Variants in SERINC5 observed in about 807,000 individuals in gnomAD.
SERINC5 encodes the protein chromosome 5 open reading frame 12.
SERINC5 carries 41 observed loss-of-function variants against 63.1 expected under a neutral mutation model. That is an observed-to-expected ratio of 0.65 (90% CI 0.51 to 0.84). SERINC5 has a LOEUF of 0.84. SERINC5 is among the 40% of genes least tolerant of loss of function. The pLI, the probability that SERINC5 is intolerant of heterozygous loss-of-function variation, is 0.00. For synonymous variants in SERINC5, 222 were observed against 215.2 expected, an observed-to-expected ratio of 1.03 and a Z score of -0.28; for missense variants, 523 against 573.0, an observed-to-expected ratio of 0.91 and a Z score of 0.89.
intron 7 of SERINC5, among the ~76,000 whole-genome samples, chr5:80,163,550 T>C (rs1380675530): frequency 6.6e-6 from 1 of 152,090 alleles, no homozygotes; most frequent in East Asian, 1.9e-4. Flanking sequence ...TTGAGGGTTT[T>C]TTTTTTTACC....
rs1387631130 is a variant in SERINC5 at position 80,141,551 on chromosome 5, G to C, written c.*2112C>G. ...TAGACCTCAGCAGGAGGAAAACAATGAAACTAGTCACAATACTGCCCAGGC... is the reference window on the plus strand; with the variant it reads ...TAGACCTCAGCAGGAGGAAAACAATCAAACTAGTCACAATACTGCCCAGGC... On this transcript the variant is annotated 3_prime_UTR_variant, in exon 12 of 12. Transcript: ENST00000507668. The C allele has an allele frequency of 1.7e-5, 17 of 985,362 alleles. No homozygotes were observed. Among genetic ancestry groups the C allele is most frequent in the Non-Finnish European group, 3.6e-6 (3 of 830,012 alleles). The allele number at this position is 985,362 out of a possible 1,614,324, so 61.0% of individuals were successfully genotyped here.
chr5:80,144,540 C>G (rs1038355391), intron 11 of SERINC5, among the ~76,000 whole-genome samples: 1 of 152,186 alleles, frequency 6.6e-6, no homozygotes, highest in Non-Finnish European at 1.5e-5. Flanking sequence ...ATAGCCTTCT[C>G]CATCTTTTCT....
Position 80,177,889 on chromosome 5 carries a change from T to C in SERINC5, c.371A>G (p.Asn124Ser), listed in dbSNP as rs557032080. Residue 124 changes from asparagine (N) to serine (S), a missense_variant, in exon 3 of 12, where the codon AAT becomes AGT. Asn to Ser is a conservative substitution (Grantham distance 46). Transcript: ENST00000507668. ...NSKSCRAHIH[N>S]GFWFFKLLLL... ...CCAAGAAGACTAAAATACTTACCCATTGTGAATATGAGCTCTACAACTTTT... is the reference window on the plus strand; with the variant it reads ...CCAAGAAGACTAAAATACTTACCCACTGTGAATATGAGCTCTACAACTTTT... 17 of 1,605,796 alleles carry C rather than the reference T, an allele frequency of 1.1e-5. No individual in the cohort carries two copies. In the African/African-American group the frequency reaches 2.3e-4, roughly 22 times the overall value.
rs539340757 is a variant in SERINC5, at chr5:80,202,237, T to A, written c.195+649A>T. ...TGGGTAACAAGAGCAAAACTCTGTCTCGAAAAAAAAGAAGAAAGAAATCCT... is the reference window on the plus strand; with the variant it reads ...TGGGTAACAAGAGCAAAACTCTGTCACGAAAAAAAAGAAGAAAGAAATCCT... On this transcript the variant is annotated intron_variant, in intron 2 of 11. Transcript: ENST00000507668. 1.1e-4 allele frequency among the ~76,000 whole-genome samples: 16 copies of A among 151,258 alleles called. No individual in the cohort carries two copies. In the South Asian group the frequency reaches 3.3e-3, roughly 32 times the overall value.
At chr5:80,233,443 ATT>A (rs1416882958) in intron 1 of SERINC5, among the ~76,000 whole-genome samples, 1 of 152,116 alleles carries the variant, frequency 6.6e-6, no homozygotes, top group African/African-American at 2.4e-5. Flanking sequence ...AACAATAATA[ATT>A]TCTTTAGTTA....
chr5:80,206,616 G>A (rs1334720511), intron 1 of SERINC5, among the ~76,000 whole-genome samples: 1 of 152,038 alleles, frequency 6.6e-6, no homozygotes, highest in Non-Finnish European at 1.5e-5. Context: ...TGCATGTGTG[G>A]GTGTTTTATG....
At chr5:80,120,939 G>A (rs947724828) in intron 11 of SERINC5, among the ~76,000 whole-genome samples, 7 of 152,150 alleles carry the variant, frequency 4.6e-5, no homozygotes, top group African/African-American at 1.7e-4. Context: ...CCAGGCTGGA[G>A]TGCAATGGCG....
At chr5:80,228,543 ACTC>A (rs1045665960) in intron 1 of SERINC5, among the ~76,000 whole-genome samples, 1 of 151,458 alleles carries the variant, frequency 6.6e-6, no homozygotes, top group African/African-American at 2.4e-5. Context: ...GGAGCCTTGA[ACTC>A]CTTGCCTCAA....
At chr5:80,160,970 ATATG>A (rs1746852478) in intron 7 of SERINC5, among the ~76,000 whole-genome samples, 1 of 149,422 alleles carries the variant, frequency 6.7e-6, no homozygotes, top group Non-Finnish European at 1.5e-5. Flanking sequence ...GTGTGTATAT[ATATG>A]TATATATGTG....
At chr5:80,150,436 TTTTTA>T (rs1468977207) in intron 9 of SERINC5, among the ~76,000 whole-genome samples, 8 of 152,314 alleles carry the variant, frequency 5.3e-5, no homozygotes, top group African/African-American at 1.7e-4. Context: ...TTATTTTTCT[TTTTTA>T]TTTTATTTTT....
chr5:80,218,962 G>A (rs1750786910), intron 1 of SERINC5, among the ~76,000 whole-genome samples: 1 of 152,116 alleles, frequency 6.6e-6, no homozygotes, highest in African/African-American at 2.4e-5. Flanking sequence ...AAACTTGCAC[G>A]CTTCACCTAC....
chr5:80,168,786 G>T (rs1216075273), intron 6 of SERINC5, among the ~76,000 whole-genome samples: 1 of 152,180 alleles, frequency 6.6e-6, no homozygotes, highest in East Asian at 1.9e-4. Flanking sequence ...AAACAACAAT[G>T]AGCAAGGTCA....
At chr5:80,246,563 A>T (rs1752178235) in intron 1 of SERINC5, among the ~76,000 whole-genome samples, 1 of 152,174 alleles carries the variant, frequency 6.6e-6, no homozygotes, top group African/African-American at 2.4e-5. Flanking sequence ...TTGTTTCAAA[A>T]TTTACTCTCT....
At chr5:80,217,652 C>G (rs558147574) in intron 1 of SERINC5, among the ~76,000 whole-genome samples, 22 of 152,314 alleles carry the variant, frequency 1.4e-4, no homozygotes, top group Non-Finnish European at 2.9e-5. Context: ...GTTCTATATT[C>G]ATACAGTATT....
chr5:80,213,368 A>ATC (rs1750524129), intron 1 of SERINC5, among the ~76,000 whole-genome samples: 1 of 152,190 alleles, frequency 6.6e-6, no homozygotes, highest in Non-Finnish European at 1.5e-5. Context: ...TGTTACAATC[A>ATC]TCCCTATTTT....
At chr5:80,193,711 T>C (rs1749335444) in intron 2 of SERINC5, among the ~76,000 whole-genome samples, 1 of 152,134 alleles carries the variant, frequency 6.6e-6, no homozygotes, top group African/African-American at 2.4e-5. Flanking sequence ...TTAGTTCAAA[T>C]TGCTGCCTCC....
chr5:80,240,752 C>A (rs1439625328), intron 1 of SERINC5, among the ~76,000 whole-genome samples: 4 of 152,192 alleles, frequency 2.6e-5, no homozygotes, highest in Admixed American at 2.6e-4. Context: ...GCAGTCTCGA[C>A]CTCCTCAGCC....
intron 1 of SERINC5, among the ~76,000 whole-genome samples, chr5:80,233,808 T>C (rs1249316138): frequency 5.3e-5 from 7 of 132,380 alleles, no homozygotes; most frequent in African/African-American, 9.1e-5. Context: ...ACTTTTACTT[T>C]TTTTTTTTTT....
At chr5:80,137,154 A>AAAAAAC (rs1745222481), downstream of SERINC5, among the ~76,000 whole-genome samples, 1 of 115,344 alleles carries the variant, frequency 8.7e-6, no homozygotes, top group African/African-American at 3.1e-5. Context: ...AAAAAAAAAA[A>AAAAAAC]AAAAAAAAAC....
Sources: allele counts gnomAD v4.1 joint callset (sites outside exome capture counted in the v4.1 genomes callset), GRCh38; gene constraint gnomAD v4.1.1; transcripts MANE v1.5; gene names NCBI Gene and HGNC (gene_info 2026-07-23, HGNC 2026-07-21).